Variants in ANKRD45 observed in about 807,000 individuals in gnomAD.
ANKRD45 encodes ankyrin repeat domain 45.
A neutral mutation model predicts 28.1 loss-of-function variants in ANKRD45; 21 were observed. That is an observed-to-expected ratio of 0.75 (90% CI 0.53 to 1.08). The LOEUF (loss-of-function observed/expected upper bound fraction) is 1.08. Ranked by LOEUF, ANKRD45 falls within the 50% of genes least tolerant of loss-of-function variation. ANKRD45 has a pLI of 0.00. For missense variants in ANKRD45, 261 were observed against 308.7 expected, an observed-to-expected ratio of 0.85 and a Z score of 1.16; for synonymous variants, 86 against 103.9, an observed-to-expected ratio of 0.83 and a Z score of 1.05.
At chr1:173,702,982 T>TC in the ANKRD45 span, among the ~76,000 whole-genome samples, 1 of 152,050 alleles carries the variant, frequency 6.6e-6, no homozygotes, top group East Asian at 1.9e-4. Flanking sequence ...CAACCTGGAC[T>TC]CCCAAAGCAC....
chr1:173,632,549 A>G (rs955670031), intron 3 of ANKRD45, among the ~76,000 whole-genome samples: 12 of 151,644 alleles, frequency 7.9e-5, no homozygotes, highest in Non-Finnish European at 4.4e-5. Flanking sequence ...AAAACAAAAC[A>G]AAACCCCAAA....
At position 173,629,362 on chromosome 1, in the gene ANKRD45, A is replaced by C. The variant is rs374037089; in HGVS notation, c.497-2203T>G. Among the ~76,000 whole-genome samples the C allele has an allele frequency of 5.9e-5, 9 of 152,320 alleles. No individual in the cohort carries two copies. The South Asian group carries it at 1.0e-3, about 18-fold the overall frequency. On this transcript the variant is annotated intron_variant, in intron 3 of 5. Coordinates refer to ENST00000333279, the MANE Select transcript of ANKRD45 (RefSeq NM_198493.3). ...GAGATATGTGACCTTTCAGAGAGAGAATTCAAAATAGGTATTTTGAGGAAA... is the reference window on the plus strand; with the variant it reads ...GAGATATGTGACCTTTCAGAGAGAGCATTCAAAATAGGTATTTTGAGGAAA...
At chr1:173,693,826 G>A in the ANKRD45 span, among the ~76,000 whole-genome samples, 2 of 152,142 alleles carry the variant, frequency 1.3e-5, no homozygotes, top group Non-Finnish European at 2.9e-5. Context: ...GGTCTGCTAG[G>A]CATAAATTTC....
intron 5 of ANKRD45, among the ~76,000 whole-genome samples, chr1:173,623,730 C>G (rs1457527113): frequency 1.3e-5 from 2 of 152,004 alleles, no homozygotes; most frequent in Non-Finnish European, 2.9e-5. Flanking sequence ...CAATGATAGA[C>G]TGGGTAAAGA....
At chr1:173,688,034 T>G in the ANKRD45 span, among the ~76,000 whole-genome samples, 1 of 151,846 alleles carries the variant, frequency 6.6e-6, no homozygotes, top group African/African-American at 2.4e-5. Context: ...TTTCTTCTGT[T>G]AGCAAAGCAG....
At chr1:173,698,335 C>T in the ANKRD45 span, among the ~76,000 whole-genome samples, 3 of 152,302 alleles carry the variant, frequency 2.0e-5, no homozygotes, top group Non-Finnish European at 4.4e-5. Context: ...TAGACATCTA[C>T]AGAACTCTCC....
chr1:173,649,042 T>C (rs1669058345), intron 2 of ANKRD45, among the ~76,000 whole-genome samples: 1 of 152,216 alleles, frequency 6.6e-6, no homozygotes, highest in South Asian at 2.1e-4. Context: ...TATTTTTAAG[T>C]GTTATCCATT....
At chr1:173,697,629 A>G in the ANKRD45 span, among the ~76,000 whole-genome samples, 1 of 152,218 alleles carries the variant, frequency 6.6e-6, no homozygotes, top group Non-Finnish European at 1.5e-5. Context: ...AGATTTTGTC[A>G]CCACCAGGCC....
chr1:173,638,419 A>C (rs1411474871), intron 3 of ANKRD45, among the ~76,000 whole-genome samples: 1 of 152,088 alleles, frequency 6.6e-6, no homozygotes, highest in Non-Finnish European at 1.5e-5. Context: ...AAGCCTCCAA[A>C]GGAAGGAAGG....
In ANKRD45 at chr1:173,624,911, A is replaced by G; in HGVS notation, c.606T>C (p.Ser202=). 1 of 1,613,474 alleles carries G rather than the reference A, an allele frequency of 6.2e-7. No individual in the cohort carries two copies. The highest frequency in any genetic ancestry group is 8.5e-7 in the Non-Finnish European group (1 of 1,179,726). Residue 202 remains serine (S), a synonymous_variant, in exon 5 of 6, where the codon AGT becomes AGC. Transcript: ENST00000333279. The part of the protein sequence containing the change: ...LLKEDKNTIL[S]ACRAKNEWLE... ...ACCACTCATTTTTTGCACGGCATGC[A>G]CTGAGGATGGTATTCTAGGGACAGA...
rs77457781 is a variant in ANKRD45, at chr1:173,663,012, T to C, written c.-15-3579A>G. 4.1e-3 allele frequency among the ~76,000 whole-genome samples: 621 copies of C among 150,070 alleles called. 4 individuals are homozygous for C. The highest frequency in any genetic ancestry group is 0.015 in the African/African-American group (596 of 40,492). Reference sequence around the variant, plus strand: ...TTTACAGAAGAATTACAGTGGAAACTTATAATTCTTCAGTGTCTGACATCC... The same window carrying C: ...TTTACAGAAGAATTACAGTGGAAACCTATAATTCTTCAGTGTCTGACATCC... On this transcript the variant is annotated intron_variant, in intron 1 of 5. Coordinates refer to ENST00000333279, the MANE Select transcript of ANKRD45 (RefSeq NM_198493.3).
At chr1:173,672,102 G>A (rs1299014954), upstream of ANKRD45, among the ~76,000 whole-genome samples, 1 of 152,122 alleles carries the variant, frequency 6.6e-6, no homozygotes, top group African/African-American at 2.4e-5. Flanking sequence ...GGCGGCTGCA[G>A]ACCCATACAG....
At chr1:173,674,004 G>T (rs1670337823), upstream of ANKRD45, among the ~76,000 whole-genome samples, 1 of 151,828 alleles carries the variant, frequency 6.6e-6, no homozygotes, top group Non-Finnish European at 1.5e-5. Flanking sequence ...TTTCTGTGAG[G>T]GAACCTTTCT....
At chr1:173,667,835 G>A in intron 1 of ANKRD45, 1 of 272,312 alleles carries the variant, frequency 3.7e-6, no homozygotes, top group South Asian at 3.5e-5. Context: ...TATGTAAGGA[G>A]GAATTTTCTT....
intron 3 of ANKRD45, among the ~76,000 whole-genome samples, chr1:173,644,947 C>G (rs1007853234): frequency 6.7e-6 from 1 of 149,460 alleles, no homozygotes; most frequent in African/African-American, 2.5e-5. Flanking sequence ...GAGTCAAGAT[C>G]ACGTCATTGT....
the ANKRD45 span, among the ~76,000 whole-genome samples, chr1:173,689,133 T>C: frequency 0.073 from 11,172 of 152,182 alleles, 1,368 homozygotes; most frequent in African/African-American, 0.25. Context: ...AAGGGCTTCT[T>C]TCTCCTTTCT....
chr1:173,682,642 C>T, the ANKRD45 span, among the ~76,000 whole-genome samples: 6 of 147,184 alleles, frequency 4.1e-5, no homozygotes, highest in Admixed American at 6.8e-5. Context: ...AGAAAAAGGA[C>T]GAGGTTCTAG....
At chr1:173,661,830 A>G (rs1669788632) in intron 1 of ANKRD45, among the ~76,000 whole-genome samples, 1 of 152,160 alleles carries the variant, frequency 6.6e-6, no homozygotes, top group Non-Finnish European at 1.5e-5. Context: ...AACAGGCAAT[A>G]AAAAATAAAA....
At chr1:173,692,167 G>A in the ANKRD45 span, among the ~76,000 whole-genome samples, 3 of 152,084 alleles carry the variant, frequency 2.0e-5, no homozygotes, top group South Asian at 4.1e-4. Context: ...AAGTTTAAAA[G>A]GAAGTTTAAA....
Sources: gnomAD v4.1 joint callset for allele counts (sites outside exome capture counted in the v4.1 genomes callset) on GRCh38, gnomAD v4.1.1 for gene constraint, MANE v1.5 for transcripts, NCBI Gene and HGNC (gene_info 2026-07-23, HGNC 2026-07-21) for gene names.